SCRN1: variants seen among roughly 807,000 people sequenced by gnomAD.
The protein encoded by SCRN1 is secernin-1.
SCRN1 carries 19 observed loss-of-function variants against 43.3 expected under a neutral mutation model. The ratio of observed to expected loss-of-function variants is 0.44; its 90% CI spans 0.31 to 0.64. SCRN1 has a LOEUF of 0.64. Ranked by LOEUF, SCRN1 falls within the 30% of genes least tolerant of loss-of-function variation. SCRN1 has a pLI of 0.09. For synonymous variants in SCRN1, 183 were observed against 188.9 expected, an observed-to-expected ratio of 0.97 and a Z score of 0.26; for missense variants, 447 against 524.1, an observed-to-expected ratio of 0.85 and a Z score of 1.44.
chr7:29,958,937 CT>C (rs1170280809), intron 2 of SCRN1, among the ~76,000 whole-genome samples: 1 of 152,230 alleles, frequency 6.6e-6, no homozygotes, highest in Non-Finnish European at 1.5e-5. Context: ...CAGGGACCAC[CT>C]GCCAGGTTAG....
chr7:29,938,025 T>G (rs531547495), intron 5 of SCRN1, among the ~76,000 whole-genome samples: 58 of 152,070 alleles, frequency 3.8e-4, no homozygotes, highest in Non-Finnish European at 6.9e-4. Context: ...TCTTGTTTTT[T>G]CCCCTTGCAT....
At chr7:29,946,824 C>G (rs180982032) in intron 3 of SCRN1, among the ~76,000 whole-genome samples, 1 of 152,184 alleles carries the variant, frequency 6.6e-6, no homozygotes, top group African/African-American at 2.4e-5. Context: ...GTACATGGGC[C>G]GTGAATAACA....
At chr7:29,941,752 C>A (rs1055646554) in intron 4 of SCRN1, among the ~76,000 whole-genome samples, 9 of 152,236 alleles carry the variant, frequency 5.9e-5, no homozygotes, top group African/African-American at 1.7e-4. Context: ...CTTGCTATGT[C>A]TTCTTCGAAG....
Position 29,940,856 on chromosome 7 carries a change from T to A in SCRN1, c.565A>T (p.Ser189Cys). Residue 189 changes from serine (S) to cysteine (C), a missense_variant, in exon 5 of 8, where the codon AGT becomes TGT. By Grantham distance (112) the Ser-to-Cys change is moderately radical (BLOSUM62 -1). Coordinates refer to ENST00000242059, the MANE Select transcript of SCRN1 (RefSeq NM_014766.5). ...ATCTTAGTGGTGAGCGAAAGCTGAC[T>A]GCAAATGCACCTCACTCCCTCTGCA... ...KVTEGVRCIC[S>C]QLSLTTKMDA... 1 of 1,552,776 alleles carries A rather than the reference T, an allele frequency of 6.4e-7. No individual in the cohort carries two copies. The highest frequency in any genetic ancestry group is 8.6e-7 in the Non-Finnish European group (1 of 1,156,762).
chr7:29,989,733 G>A lies in SCRN1; in HGVS notation c.-93C>T. ...CGGGTGCTGCCGGGTCCGGATTACT[G>A]CGGCGACCTCGGGGGCTGCAGCTGC... On this transcript the variant is annotated 5_prime_UTR_variant, in exon 1 of 8. Coordinates refer to ENST00000242059, the MANE Select transcript of SCRN1 (RefSeq NM_014766.5). 15 of 986,186 alleles carry A rather than the reference G, an allele frequency of 1.5e-5. No homozygotes were observed. The highest frequency in any genetic ancestry group is 1.8e-5 in the Non-Finnish European group (15 of 830,626). 61.1% of individuals were successfully genotyped at this position (986,186 alleles called of 1,614,324 possible). A position where few individuals can be genotyped will look rare whatever the true frequency, so the allele number is the denominator to read the frequency against.
chr7:29,926,878 C>A (rs1441604343), intron 6 of SCRN1, among the ~76,000 whole-genome samples: 5 of 152,144 alleles, frequency 3.3e-5, no homozygotes, highest in Admixed American at 3.3e-4. Context: ...TCAAAACAGA[C>A]TTCCTTTGTT....
intron 3 of SCRN1, among the ~76,000 whole-genome samples, chr7:29,951,128 C>T (rs941510592): frequency 2.6e-5 from 4 of 152,236 alleles, no homozygotes; most frequent in African/African-American, 7.2e-5. Context: ...TGGGGCTCTG[C>T]AGTTCCTGGC....
At chr7:29,953,595 C>T (rs546138308) in intron 3 of SCRN1, among the ~76,000 whole-genome samples, 114 of 152,076 alleles carry the variant, frequency 7.5e-4, no homozygotes, top group Middle Eastern at 3.4e-3. Flanking sequence ...AGAAAACTAG[C>T]TATATATAAC....
rs952007229 is a variant in SCRN1, at chr7:29,986,158, C to A, written c.-2+3484G>T. Among the ~76,000 whole-genome samples the A allele has an allele frequency of 7.2e-5, 11 of 152,348 alleles. No homozygotes were observed. The South Asian group carries it at 1.4e-3, about 20-fold the overall frequency. On this transcript the variant is annotated intron_variant, in intron 1 of 7. Transcript: ENST00000242059. ...GGTTGAGGCAGGAGAATCGCTTGAA[C>A]CCTGGAGGCAGAGGTTGCAGTGAGC...
chr7:29,981,511 G>A (rs1788991511), intron 1 of SCRN1, among the ~76,000 whole-genome samples: 1 of 152,194 alleles, frequency 6.6e-6, no homozygotes, highest in Non-Finnish European at 1.5e-5. Flanking sequence ...TTAAGCACTT[G>A]GAGATTTAGG....
intron 1 of SCRN1, among the ~76,000 whole-genome samples, chr7:29,980,923 A>G (rs1788974770): frequency 6.6e-6 from 1 of 152,214 alleles, no homozygotes; most frequent in Admixed American, 6.5e-5. Flanking sequence ...AGATGGATGG[A>G]TAGATAGATT....
rs1434536231 is a variant in SCRN1, at chr7:29,955,184, C to A, written c.336G>T (p.Leu112=). The change falls in exon 3 of 8, where the codon CTG becomes CTT. Residue 112 remains leucine, a synonymous_variant. Transcript: ENST00000242059. The part of the protein sequence containing the change: ...AEIEALLGMD[L]VRLGLERGET... ...AAAGAATCACCATGCAGTACCTGACCAGATCCATCCCCAGCAAGGCTTCTA... is the reference window on the plus strand; with the variant it reads ...AAAGAATCACCATGCAGTACCTGACAAGATCCATCCCCAGCAAGGCTTCTA... 4.3e-6 allele frequency: 7 copies of A among 1,613,742 alleles called. No individual in the cohort carries two copies. The highest frequency in any genetic ancestry group is 5.9e-6 in the Non-Finnish European group (7 of 1,179,874).
chr7:29,975,853 G>A (rs577431781), intron 1 of SCRN1, among the ~76,000 whole-genome samples: 1 of 152,330 alleles, frequency 6.6e-6, no homozygotes, highest in Admixed American at 6.5e-5. Flanking sequence ...TTCCTAAGAA[G>A]TCCTTGTTAA....
intron 4 of SCRN1, 53 bp downstream of exon 4, chr7:29,943,923 CA>C (rs1787641354): frequency 1.3e-6 from 2 of 1,521,250 alleles, no homozygotes; most frequent in Non-Finnish European, 1.8e-6. Flanking sequence ...CAGGCCACCC[CA>C]TCTCTGTGGC....
Position 29,923,204 on chromosome 7 carries a change from A to C in SCRN1, c.*753T>G, listed in dbSNP as rs916925588. The stretch of plus-strand genomic sequence containing the variant: ...CTGGGACATCCATGCAGTGATTCAG[A>C]AGGCCACCAGCATGGCTATGTCTGA... On this transcript the variant is annotated 3_prime_UTR_variant, in exon 8 of 8. Coordinates refer to ENST00000242059, the MANE Select transcript of SCRN1 (RefSeq NM_014766.5). The C allele has an allele frequency of 6.6e-6, 1 of 152,256 alleles. No homozygotes were observed. The highest frequency in any genetic ancestry group is 2.4e-5 in the African/African-American group (1 of 41,464). The allele number at this position is 152,256 out of a possible 1,614,324, so 9.4% of individuals were successfully genotyped here.
intron 6 of SCRN1, among the ~76,000 whole-genome samples, chr7:29,929,409 T>C (rs1297274730): frequency 6.6e-6 from 1 of 152,180 alleles, no homozygotes; most frequent in African/African-American, 2.4e-5. Flanking sequence ...TCAATCCCCA[T>C]GCCACTCCAA....
chr7:29,977,049 C>A (rs1380631614), intron 1 of SCRN1, among the ~76,000 whole-genome samples: 1 of 152,234 alleles, frequency 6.6e-6, no homozygotes, highest in Non-Finnish European at 1.5e-5. Flanking sequence ...TGCCCTGCAC[C>A]TTTATCTCAA....
chr7:29,982,130 CAA>C (rs1467734578), intron 1 of SCRN1, among the ~76,000 whole-genome samples: 1 of 152,154 alleles, frequency 6.6e-6, no homozygotes, highest in Admixed American at 6.6e-5. Context: ...AAAAAATTGA[CAA>C]AGTGTTTCCA....
In SCRN1 at chr7:29,950,017, C is replaced by T. The variant is rs763577057; in HGVS notation, c.341+5162G>A. Among the ~76,000 whole-genome samples, 7 of 152,216 alleles carry T rather than the reference C, an allele frequency of 4.6e-5. No individual in the cohort carries two copies. Among genetic ancestry groups the T allele is most frequent in the Non-Finnish European group, 1.0e-4 (7 of 68,038 alleles). ...CAACAGGGAGGCAGGGTCTGGGTTG[C>T]GTGCTTTGCGAGGCTGGTGGGAGCC... On this transcript the variant is annotated intron_variant, in intron 3 of 7. Coordinates refer to ENST00000242059, the MANE Select transcript of SCRN1 (RefSeq NM_014766.5). This position sits in a 1 kb window ranked among gnomAD's most constrained non-coding sequence, Gnocchi z 4.5.
Sources: gnomAD v4.1 joint callset for allele counts (sites outside exome capture counted in the v4.1 genomes callset) on GRCh38, gnomAD v4.1.1 for gene constraint, Gnocchi (gnomAD v3.1) non-coding constraint, MANE v1.5 for transcripts, NCBI Gene and HGNC (gene_info 2026-07-23, HGNC 2026-07-21) for gene names.